The following FRRS1L variants were observed in gnomAD, a reference collection of about 807,000 sequenced individuals.
FRRS1L encodes ferric chelate reductase 1 like, also known as DOMON domain-containing protein FRRS1L.
FRRS1L carries 22 observed loss-of-function variants against 28.6 expected under a neutral mutation model. That is an observed-to-expected ratio of 0.77 (90% CI 0.55 to 1.10). The LOEUF (loss-of-function observed/expected upper bound fraction) is 1.10, where lower values mean the gene tolerates loss of function less well. FRRS1L is among the 50% of genes least tolerant of loss of function. The pLI, the probability that FRRS1L is intolerant of heterozygous loss-of-function variation, is 0.00. For missense variants in FRRS1L, 380 were observed against 386.9 expected, an observed-to-expected ratio of 0.98 and a Z score of 0.15; for synonymous variants, 158 against 151.4, an observed-to-expected ratio of 1.04 and a Z score of -0.32.
Position 109,137,434 on chromosome 9 carries a change from C to A in FRRS1L, c.*21G>T. The A allele has an allele frequency of 6.8e-7, 1 of 1,476,752 alleles. No individual in the cohort carries two copies. The highest frequency in any genetic ancestry group is 9.1e-7 in the Non-Finnish European group (1 of 1,095,936). The allele number at this position is 1,476,752 out of a possible 1,614,324, so 91.5% of individuals were successfully genotyped here. A position where few individuals can be genotyped will look rare whatever the true frequency, so the allele number is the denominator to read the frequency against. Reference sequence around the variant, plus strand: ...CTAAAGACTTCCCAATCCATGTAATCTGTTGGCCCTGCAGCTGTGGTTAGG... The same window carrying A: ...CTAAAGACTTCCCAATCCATGTAATATGTTGGCCCTGCAGCTGTGGTTAGG... On this transcript the variant is annotated 3_prime_UTR_variant, in exon 5 of 5. Coordinates refer to ENST00000561981, the MANE Select transcript of FRRS1L (RefSeq NM_014334.4).
chr9:109,134,646 T>C lies in FRRS1L; in HGVS notation c.*2809A>G, dbSNP rs879829723. The C allele has an allele frequency of 1.3e-5, 2 of 152,172 alleles. No homozygotes were observed. The highest frequency in any genetic ancestry group is 2.9e-5 in the Non-Finnish European group (2 of 68,026). 9.4% of individuals were successfully genotyped at this position (152,172 alleles called of 1,614,324 possible). On this transcript the variant is annotated 3_prime_UTR_variant, in exon 5 of 5. Transcript: ENST00000561981. The stretch of plus-strand genomic sequence containing the variant: ...AGTCATTGAAAGTTCTAAGCATAAA[T>C]AAGCAAAATCGGTAATCAAATGAGA...
chr9:109,142,091 C>A (rs941678307), intron 3 of FRRS1L, among the ~76,000 whole-genome samples: 3 of 151,772 alleles, frequency 2.0e-5, no homozygotes, highest in African/African-American at 7.3e-5. Flanking sequence ...CAAGTAGCAA[C>A]ATATGAAAAC....
At chr9:109,159,919 T>C (rs1017939136) in intron 1 of FRRS1L, among the ~76,000 whole-genome samples, 22 of 152,184 alleles carry the variant, frequency 1.4e-4, no homozygotes, top group Non-Finnish European at 2.2e-4. Context: ...ACCAGTTCCT[T>C]AAAATAAATC....
chr9:109,138,178 G>T (rs1424077986), intron 4 of FRRS1L: 1 of 152,298 alleles, frequency 6.6e-6, no homozygotes, highest in African/African-American at 2.4e-5. Flanking sequence ...CATGCCAGAG[G>T]GAGTGTGGTA....
At chr9:109,166,392 A>G (rs1831549514) in intron 1 of FRRS1L, among the ~76,000 whole-genome samples, 1 of 152,160 alleles carries the variant, frequency 6.6e-6, no homozygotes, top group Admixed American at 6.5e-5. Flanking sequence ...CGGGTCAGTG[A>G]GCAGGAACAG....
chr9:109,142,293 TAGTAGC>T (rs11278156), intron 3 of FRRS1L, among the ~76,000 whole-genome samples: 22,585 of 151,892 alleles, frequency 0.15, 1,887 homozygotes, highest in African/African-American at 0.18. Flanking sequence ...TAATCAGTAG[TAGTAGC>T]AGTAGCAGTA....
rs1831051964 is a variant in FRRS1L, at chr9:109,131,113, A to T, written c.*6342T>A. 1 of 152,208 alleles carries T rather than the reference A, an allele frequency of 6.6e-6. No homozygotes were observed. Among genetic ancestry groups the T allele is most frequent in the East Asian group, 1.9e-4 (1 of 5,206 alleles). 9.4% of individuals were successfully genotyped at this position (152,208 alleles called of 1,614,324 possible). A position where few individuals can be genotyped will look rare whatever the true frequency, so the allele number is the denominator to read the frequency against. ...CTTTTATTAAATATAAAAACAAAGA[A>T]ATCTACCTTGAAACTAAATAACTGG... On this transcript the variant is annotated 3_prime_UTR_variant, in exon 5 of 5. Coordinates refer to ENST00000561981, the MANE Select transcript of FRRS1L (RefSeq NM_014334.4).
intron 1 of FRRS1L, among the ~76,000 whole-genome samples, chr9:109,163,644 G>A (rs1349309607): frequency 6.6e-6 from 1 of 152,128 alleles, no homozygotes; most frequent in African/African-American, 2.4e-5. Flanking sequence ...CTCTCTCTCA[G>A]TTTCAGTGGA....
Position 109,133,694 on chromosome 9 carries a change from G to A in FRRS1L, c.*3761C>T, listed in dbSNP as rs1019112445. The A allele has an allele frequency of 3.9e-5, 6 of 152,206 alleles. No individual in the cohort carries two copies. Among genetic ancestry groups the A allele is most frequent in the African/African-American group, 9.7e-5 (4 of 41,448 alleles). The allele number at this position is 152,206 out of a possible 1,614,324, so 9.4% of individuals were successfully genotyped here. A position where few individuals can be genotyped will look rare whatever the true frequency, so the allele number is the denominator to read the frequency against. On this transcript the variant is annotated 3_prime_UTR_variant, in exon 5 of 5. Coordinates refer to ENST00000561981, the MANE Select transcript of FRRS1L (RefSeq NM_014334.4). Reference sequence around the variant, plus strand: ...ATAGAATCTACTTCCTATGGTTGCGGTGAGGATTAAATGAGTTAATTCATG... The same window carrying A: ...ATAGAATCTACTTCCTATGGTTGCGATGAGGATTAAATGAGTTAATTCATG...
chr9:109,165,789 C>T (rs1831541058), intron 1 of FRRS1L, among the ~76,000 whole-genome samples: 1 of 152,156 alleles, frequency 6.6e-6, no homozygotes, highest in South Asian at 2.1e-4. Flanking sequence ...TAGTCAGTGA[C>T]CTTCTTCCTG....
chr9:109,161,610 T>G (rs1044744276), intron 1 of FRRS1L, among the ~76,000 whole-genome samples: 2 of 152,250 alleles, frequency 1.3e-5, no homozygotes, highest in Non-Finnish European at 2.9e-5. Flanking sequence ...CTTGTCTAAT[T>G]CAAGAAACTA....
chr9:109,143,532 T>C (rs1344296681), intron 3 of FRRS1L, among the ~76,000 whole-genome samples: 4 of 135,642 alleles, frequency 2.9e-5, no homozygotes, highest in African/African-American at 8.4e-5. Context: ...TTTTTTTTTT[T>C]CCCCGACAGA....
rs908384626 is a variant in FRRS1L at position 109,133,351 on chromosome 9, T to G, written c.*4104A>C. The G allele has an allele frequency of 6.6e-6, 1 of 152,238 alleles. No individual in the cohort carries two copies. The highest frequency in any genetic ancestry group is 1.5e-5 in the Non-Finnish European group (1 of 68,038). 9.4% of individuals were successfully genotyped at this position (152,238 alleles called of 1,614,324 possible). ...AATGCTTTTAAGCAGAAAAGAAAGT[T>G]GATATAGAGTAAAACATGCTCCTTT... On this transcript the variant is annotated 3_prime_UTR_variant, in exon 5 of 5. Coordinates refer to ENST00000561981, the MANE Select transcript of FRRS1L (RefSeq NM_014334.4).
At chr9:109,146,826 C>T (rs756599858) in intron 3 of FRRS1L, among the ~76,000 whole-genome samples, 36 of 152,170 alleles carry the variant, frequency 2.4e-4, no homozygotes, top group Non-Finnish European at 1.5e-5. Flanking sequence ...CTTCTTGCAG[C>T]CTTACTGTGG....
intron 1 of FRRS1L, chr9:109,151,384 C>T (rs903012185): frequency 6.5e-6 from 1 of 153,376 alleles, no homozygotes; most frequent in African/African-American, 2.4e-5. Flanking sequence ...AGCCACTCCC[C>T]ATGGCTTGCA....
In FRRS1L at chr9:109,144,132, T is replaced by A. The variant is rs1335471746; in HGVS notation, c.463-2543A>T. Among the ~76,000 whole-genome samples the A allele has an allele frequency of 3.3e-5, 5 of 152,274 alleles. No individual in the cohort carries two copies. In the South Asian group the frequency reaches 1.0e-3, roughly 32 times the overall value. On this transcript the variant is annotated intron_variant, in intron 3 of 4. Coordinates refer to ENST00000561981, the MANE Select transcript of FRRS1L (RefSeq NM_014334.4). ...AGCTTCTGGGTGTGGCATGCCCTGC[T>A]GTTTCTCCTGCTGCCTCTAGGGCAG... is the stretch of plus-strand genomic sequence containing the variant.
Position 109,137,556 on chromosome 9 carries a change from C to G in FRRS1L, c.781G>C (p.Asp261His), listed in dbSNP as rs563101375. Residue 261 changes from aspartate (D) to histidine (H), a missense_variant, in exon 5 of 5, where the codon GAC becomes CAC. Transcript: ENST00000561981. ...TAGGCAGCTGATGGCATAAAAATGT[C>G]TTCATACTTGTAAATACTGACAACA... ...ERVVSIYKYE[D>H]IFMPSAAYQT... 3.1e-6 allele frequency: 5 copies of G among 1,613,184 alleles called. No individual in the cohort carries two copies. The South Asian group carries it at 5.5e-5, about 18-fold the overall frequency.
rs1456606381 is a variant in FRRS1L at position 109,167,227 on chromosome 9, C to G, written c.-89G>C. 1 of 1,364,942 alleles carries G rather than the reference C, an allele frequency of 7.3e-7. No homozygotes were observed. Among genetic ancestry groups the G allele is most frequent in the Non-Finnish European group, 9.5e-7 (1 of 1,054,956 alleles). The allele number at this position is 1,364,942 out of a possible 1,614,324, so 84.6% of individuals were successfully genotyped here. ...CGGGACTGAGCCTCCGCCGAGGCCACCAGCACGCGCCCGCGCAGCCGCGGA... is the reference window on the plus strand; with the variant it reads ...CGGGACTGAGCCTCCGCCGAGGCCAGCAGCACGCGCCCGCGCAGCCGCGGA... On this transcript the variant is annotated 5_prime_UTR_variant, in exon 1 of 5. Transcript: ENST00000561981.
chr9:109,151,450 G>A (rs1831328889), intron 1 of FRRS1L: 1 of 153,950 alleles, frequency 6.5e-6, no homozygotes, highest in Non-Finnish European at 1.4e-5. Context: ...ATTCTCATAG[G>A]AGTGCAGTCC....
Sources: allele counts gnomAD v4.1 joint callset (sites outside exome capture counted in the v4.1 genomes callset), GRCh38; gene constraint gnomAD v4.1.1; transcripts MANE v1.5; gene names NCBI Gene and HGNC (gene_info 2026-07-23, HGNC 2026-07-21).